Variants in DOCK1 observed in about 807,000 individuals in gnomAD.
DOCK1 encodes the protein dedicator of cytokinesis 1.
A neutral mutation model predicts 262.7 loss-of-function variants in DOCK1; 138 were observed. The ratio of observed to expected loss-of-function variants is 0.53; its 90% confidence interval spans 0.46 to 0.61. The LOEUF (loss-of-function observed/expected upper bound fraction) is 0.61, where lower values mean the gene tolerates loss of function less well. Among genes scored for constraint, DOCK1 ranks in the 20% least tolerant of loss-of-function variants. DOCK1 has a pLI of 0.00. For synonymous variants in DOCK1, 866 were observed against 867.4 expected, an observed-to-expected ratio of 1.00 and a Z score of 0.03; for missense variants, 1,908 against 2,370.7, an observed-to-expected ratio of 0.80 and a Z score of 4.05.
chr10:126,923,725 C>T (rs1048977246), intron 1 of DOCK1, among the ~76,000 whole-genome samples: 2 of 152,326 alleles, frequency 1.3e-5, no homozygotes, highest in South Asian at 4.1e-4. Context: ...TGCGATGGTC[C>T]GTACCCTCCC....
chr10:127,125,733 A>T, intron 26 of DOCK1, 132 bp downstream of exon 26: 1 of 1,279,122 alleles, frequency 7.8e-7, no homozygotes, highest in African/African-American at 1.5e-5. Context: ...GTCTCGGTAG[A>T]GTTGCACCCT....
intron 24 of DOCK1, among the ~76,000 whole-genome samples, chr10:127,108,736 C>G (rs1450282058): frequency 6.6e-6 from 1 of 152,184 alleles, no homozygotes; most frequent in Non-Finnish European, 1.5e-5. Context: ...CTTTAAGCAG[C>G]AACAATAGAC....
At chr10:127,352,884 C>T (rs1209011866) in intron 31 of DOCK1, among the ~76,000 whole-genome samples, 1 of 152,172 alleles carries the variant, frequency 6.6e-6, no homozygotes, top group Non-Finnish European at 1.5e-5. Flanking sequence ...TGAGCCACCG[C>T]ACCTGGCCTG....
At chr10:126,918,955 C>T (rs1236363327) in intron 1 of DOCK1, among the ~76,000 whole-genome samples, 6 of 149,752 alleles carry the variant, frequency 4.0e-5, no homozygotes, top group South Asian at 4.2e-4. Flanking sequence ...CAGATGGGCA[C>T]AGAGGATTTG....
At chr10:127,264,718 T>TCATGGCTCACTGCAGC (rs2060292860) in intron 29 of DOCK1, among the ~76,000 whole-genome samples, 1 of 152,122 alleles carries the variant, frequency 6.6e-6, no homozygotes. Flanking sequence ...TGGAGTGCAG[T>TCATGGCTCACTGCAGC]GGCAGGATCA....
At position 127,446,467 on chromosome 10, in the gene DOCK1, C is replaced by T. The variant is rs1033565232; in HGVS notation, c.5414-927C>T. Reference sequence around the variant, plus strand: ...ATGGCTAAAATGGCAAATTTTATGTCGTGTATATCTTACCACAATAATAGC... The same window carrying T: ...ATGGCTAAAATGGCAAATTTTATGTTGTGTATATCTTACCACAATAATAGC... On this transcript the variant is annotated intron_variant, in intron 50 of 51. Coordinates refer to ENST00000623213, the MANE Select transcript of DOCK1 (RefSeq NM_001290223.2). The surrounding 1 kb of genome is among the most constrained non-coding windows in gnomAD (Gnocchi z 4.4). Among the ~76,000 whole-genome samples, 4 of 152,036 alleles carry T rather than the reference C, an allele frequency of 2.6e-5. No individual in the cohort carries two copies. The highest frequency in any genetic ancestry group is 4.2e-4 in the South Asian group (2 of 4,816).
intron 1 of DOCK1, among the ~76,000 whole-genome samples, chr10:126,924,456 G>A (rs559815807): frequency 2.0e-5 from 3 of 151,130 alleles, no homozygotes; most frequent in Admixed American, 2.0e-4. Flanking sequence ...GTAGCGGGAG[G>A]CTGTGCATGC....
At chr10:127,036,046 A>AT (rs2043590708) in intron 18 of DOCK1, among the ~76,000 whole-genome samples, 33 of 151,340 alleles carry the variant, frequency 2.2e-4, no homozygotes, top group Admixed American at 1.4e-3. Flanking sequence ...AAATAAATAA[A>AT]AAAGAGTAGA....
intron 51 of DOCK1, among the ~76,000 whole-genome samples, chr10:127,447,946 C>T (rs116892135): frequency 0.015 from 2,351 of 152,280 alleles, 34 homozygotes; most frequent in Middle Eastern, 0.034. Context: ...TGGCCAATAT[C>T]GCCCTGTATG....
At chr10:126,976,539 G>T (rs1405000900) in intron 2 of DOCK1, among the ~76,000 whole-genome samples, 1 of 152,100 alleles carries the variant, frequency 6.6e-6, no homozygotes, top group Non-Finnish European at 1.5e-5. Context: ...GAGAGAGGTG[G>T]AGGCCAGTTG....
chr10:127,387,526 G>C (rs4288681), intron 38 of DOCK1, among the ~76,000 whole-genome samples: 121,857 of 152,126 alleles, frequency 0.8, 48,891 homozygotes, highest in African/African-American at 0.85. Context: ...AATGTCACCT[G>C]TTCTCCAGCC....
intron 1 of DOCK1, among the ~76,000 whole-genome samples, chr10:126,915,665 A>G (rs890078974): frequency 3.3e-5 from 5 of 152,042 alleles, no homozygotes; most frequent in African/African-American, 9.7e-5. Context: ...GTTAGCCAGG[A>G]TGGTCTCGAT....
intron 29 of DOCK1, among the ~76,000 whole-genome samples, chr10:127,283,561 G>A (rs2061040274): frequency 6.6e-6 from 1 of 152,174 alleles, no homozygotes; most frequent in African/African-American, 2.4e-5. Flanking sequence ...TCCTATTATG[G>A]TTGCAACTCT....
At chr10:127,026,865 A>G (rs2042902072) in intron 16 of DOCK1, among the ~76,000 whole-genome samples, 1 of 152,214 alleles carries the variant, frequency 6.6e-6, no homozygotes, top group Non-Finnish European at 1.5e-5. Flanking sequence ...ATTTTTGTGA[A>G]TACTGACCAT....
chr10:127,183,922 A>G (rs1211932091), intron 27 of DOCK1, among the ~76,000 whole-genome samples: 1 of 152,156 alleles, frequency 6.6e-6, no homozygotes, highest in Non-Finnish European at 1.5e-5. Flanking sequence ...TTCTCTGTGC[A>G]TGATAATAAG....
intron 21 of DOCK1, among the ~76,000 whole-genome samples, chr10:127,049,825 A>G (rs1039748897): frequency 4.6e-5 from 7 of 152,186 alleles, no homozygotes; most frequent in African/African-American, 1.4e-4. Flanking sequence ...ATTAAACATC[A>G]GTAACCAAGA....
intron 27 of DOCK1, among the ~76,000 whole-genome samples, chr10:127,223,756 G>C (rs530213246): frequency 6.6e-6 from 1 of 152,248 alleles, no homozygotes; most frequent in South Asian, 2.1e-4. Flanking sequence ...CTGTTTGTTC[G>C]TATAAAGAAG....
intron 29 of DOCK1, among the ~76,000 whole-genome samples, chr10:127,264,746 T>C (rs2060293955): frequency 6.6e-6 from 1 of 152,132 alleles, no homozygotes; most frequent in South Asian, 2.1e-4. Context: ...CTGCAGCCTT[T>C]AACTACTGGG....
intron 29 of DOCK1, among the ~76,000 whole-genome samples, chr10:127,268,974 C>T (rs1012632445): frequency 2.0e-5 from 3 of 152,184 alleles, no homozygotes; most frequent in African/African-American, 7.2e-5. Context: ...AGAGTAGCCA[C>T]AGGCCTTTCC....
Sources: gnomAD v4.1 joint callset for allele counts (sites outside exome capture counted in the v4.1 genomes callset) on GRCh38, gnomAD v4.1.1 for gene constraint, Gnocchi (gnomAD v3.1) non-coding constraint, MANE v1.5 for transcripts, NCBI Gene and HGNC (gene_info 2026-07-23, HGNC 2026-07-21) for gene names.